The following DCC variants were observed in gnomAD, a reference collection of about 807,000 sequenced individuals.
DCC encodes DCC netrin 1 receptor.
A neutral mutation model predicts 172.5 loss-of-function variants in DCC; 58 were observed. That is an observed-to-expected ratio of 0.34 (90% CI 0.27 to 0.42). The LOEUF (loss-of-function observed/expected upper bound fraction) is 0.42. DCC is among the 10% of genes least tolerant of loss of function. The pLI is 1.00. For synonymous variants in DCC, 709 were observed against 644.5 expected (o/e 1.10, Z -1.52); for missense variants, 1,740 against 1,791.0 (o/e 0.97, Z 0.51).
intron 27 of DCC, among the ~76,000 whole-genome samples, chr18:53,499,732 T>G (rs2046073439): frequency 6.6e-6 from 1 of 152,136 alleles, no homozygotes; most frequent in African/African-American, 2.4e-5. Flanking sequence ...CTTTGGAAAG[T>G]TGTCCATGAA....
chr18:53,019,678 C>T (rs909939387), intron 5 of DCC, among the ~76,000 whole-genome samples: 1 of 152,022 alleles, frequency 6.6e-6, no homozygotes, highest in Non-Finnish European at 1.5e-5. Context: ...ATTTTTTAGA[C>T]CGGGAATTGG....
chr18:52,801,105 G>C (rs866664222), intron 2 of DCC, among the ~76,000 whole-genome samples: 2 of 152,066 alleles, frequency 1.3e-5, no homozygotes, highest in African/African-American at 4.8e-5. Context: ...TTGAGTCCTG[G>C]GCTGGAACTT....
At chr18:52,706,665 T>A (rs2036216653) in intron 1 of DCC, among the ~76,000 whole-genome samples, 1 of 152,136 alleles carries the variant, frequency 6.6e-6, no homozygotes, top group Non-Finnish European at 1.5e-5. Flanking sequence ...TGTACACGGA[T>A]TCGTTTGTTT....
chr18:52,400,157 TG>T (rs1442524766), intron 1 of DCC, among the ~76,000 whole-genome samples: 1 of 151,988 alleles, frequency 6.6e-6, no homozygotes, highest in Non-Finnish European at 1.5e-5. Context: ...TGTCTGCTTT[TG>T]TTCTGGCACT....
At chr18:53,230,292 T>C (rs998033980) in intron 12 of DCC, among the ~76,000 whole-genome samples, 2 of 152,104 alleles carry the variant, frequency 1.3e-5, no homozygotes, top group Non-Finnish European at 2.9e-5. Flanking sequence ...ACCCCCAAAG[T>C]AGAAGAATTG....
intron 9 of DCC, among the ~76,000 whole-genome samples, chr18:53,190,310 A>G (rs2055346944): frequency 1.3e-5 from 2 of 152,284 alleles, no homozygotes; most frequent in Admixed American, 6.5e-5. Flanking sequence ...AAGAATAGCA[A>G]TACTTTGACC....
intron 21 of DCC, among the ~76,000 whole-genome samples, chr18:53,429,063 TTA>T (rs368966073): frequency 0.034 from 1,311 of 39,062 alleles, 198 homozygotes; most frequent in African/African-American, 0.068. Flanking sequence ...ATTATATATT[TTA>T]TATATAATAT....
At chr18:53,400,164 A>G (rs1201342401) in intron 18 of DCC, among the ~76,000 whole-genome samples, 5 of 152,268 alleles carry the variant, frequency 3.3e-5, no homozygotes, top group South Asian at 4.1e-4. Flanking sequence ...CAGAGCAAAC[A>G]AAGTACAGAT....
chr18:52,393,888 C>T (rs371762521), intron 1 of DCC, among the ~76,000 whole-genome samples: 1 of 152,046 alleles, frequency 6.6e-6, no homozygotes, highest in East Asian at 1.9e-4. Flanking sequence ...TTTAAGACCC[C>T]TTTCAGATTC....
chr18:52,855,586 C>A (rs1027118116), intron 2 of DCC, among the ~76,000 whole-genome samples: 1 of 152,074 alleles, frequency 6.6e-6, no homozygotes, highest in African/African-American at 2.4e-5. Context: ...GCAAAATGCT[C>A]ATGATCCACT....
At chr18:52,860,190 T>C (rs2039118058) in intron 2 of DCC, among the ~76,000 whole-genome samples, 1 of 152,236 alleles carries the variant, frequency 6.6e-6, no homozygotes, top group African/African-American at 2.4e-5. Context: ...CATCTTCAGA[T>C]GGCAGTGGCA....
At chr18:52,601,481 T>G (rs2034017129) in intron 1 of DCC, among the ~76,000 whole-genome samples, 1 of 152,092 alleles carries the variant, frequency 6.6e-6, no homozygotes, top group African/African-American at 2.4e-5. Flanking sequence ...TTTTCCTCTA[T>G]GTATCTTGAC....
At chr18:52,476,031 A>G (rs1291116000) in intron 1 of DCC, among the ~76,000 whole-genome samples, 6 of 152,188 alleles carry the variant, frequency 3.9e-5, no homozygotes, top group Admixed American at 3.3e-4. Context: ...ATCTTCAAAC[A>G]TTTGAATCCT....
At chr18:52,530,620 A>G (rs1200585935) in intron 1 of DCC, among the ~76,000 whole-genome samples, 1 of 152,224 alleles carries the variant, frequency 6.6e-6, no homozygotes, top group Non-Finnish European at 1.5e-5. Flanking sequence ...TTCCTACTCC[A>G]CTGTACTTCA....
intron 8 of DCC, among the ~76,000 whole-genome samples, chr18:53,178,345 C>T (rs994120060): frequency 6.6e-6 from 1 of 152,140 alleles, no homozygotes; most frequent in African/African-American, 2.4e-5. Flanking sequence ...ATATTGAACA[C>T]ATAGAGATGT....
At chr18:52,352,627 T>G (rs1984175287) in intron 1 of DCC, among the ~76,000 whole-genome samples, 1 of 152,166 alleles carries the variant, frequency 6.6e-6, no homozygotes, top group Non-Finnish European at 1.5e-5. Flanking sequence ...ACTTGCTTGG[T>G]TAATGTGCAG....
At chr18:52,502,168 T>C (rs2031046757) in intron 1 of DCC, among the ~76,000 whole-genome samples, 2 of 152,206 alleles carry the variant, frequency 1.3e-5, no homozygotes, top group South Asian at 4.1e-4. Flanking sequence ...TATAGATATA[T>C]ATTCCAATGG....
At chr18:53,417,174 C>T (rs1910364178) in intron 21 of DCC, among the ~76,000 whole-genome samples, 1 of 152,192 alleles carries the variant, frequency 6.6e-6, no homozygotes, top group Non-Finnish European at 1.5e-5. Context: ...TAACTTTTGA[C>T]AAATACTAAG....
intron 1 of DCC, among the ~76,000 whole-genome samples, chr18:52,563,737 C>A (rs2033092628): frequency 2.0e-5 from 3 of 152,002 alleles, no homozygotes; most frequent in Admixed American, 2.0e-4. Context: ...TATATAGAAC[C>A]CTATCTTTAA....
Sources: gnomAD v4.1 joint callset for allele counts (sites outside exome capture counted in the v4.1 genomes callset) on GRCh38, gnomAD v4.1.1 for gene constraint, MANE v1.5 for transcripts, NCBI Gene and HGNC (gene_info 2026-07-23, HGNC 2026-07-21) for gene names.